Variants in TSGA10 observed in about 807,000 individuals in gnomAD.
TSGA10 encodes the protein testis specific 10, also known as testis-specific gene 10 protein.
Under a neutral mutation model 96.6 loss-of-function variants are expected in TSGA10, and 43 were observed. The observed-to-expected ratio is 0.44, with a 90% CI of 0.35 to 0.57. The LOEUF (loss-of-function observed/expected upper bound fraction) is 0.57, where lower values mean the gene tolerates loss of function less well. Ranked by LOEUF, TSGA10 falls within the 20% of genes least tolerant of loss-of-function variation. TSGA10 has a pLI of 0.01. For missense variants in TSGA10, 703 were observed against 834.4 expected (o/e 0.84, Z 1.94); for synonymous variants, 229 against 269.9 (o/e 0.85, Z 1.48).
chr2:99,115,244 A>C (rs1028622034), intron 4 of TSGA10, among the ~76,000 whole-genome samples: 3 of 152,118 alleles, frequency 2.0e-5, no homozygotes, highest in Non-Finnish European at 4.4e-5. Flanking sequence ...AATTTTGATA[A>C]TTTTTATAAT....
At chr2:99,063,791 C>T (rs556633742) in intron 16 of TSGA10, among the ~76,000 whole-genome samples, 3 of 151,554 alleles carry the variant, frequency 2.0e-5, no homozygotes, top group South Asian at 2.1e-4. Flanking sequence ...GGCGACAGAG[C>T]GAGACTCCAT....
chr2:99,006,125 C>T (rs961288770), intron 20 of TSGA10, among the ~76,000 whole-genome samples: 31 of 152,314 alleles, frequency 2.0e-4, no homozygotes, highest in African/African-American at 6.7e-4. Flanking sequence ...TTCCTTACAC[C>T]TTATACAAAA....
chr2:99,108,470 C>G (rs774559730), intron 7 of TSGA10, among the ~76,000 whole-genome samples: 1 of 151,834 alleles, frequency 6.6e-6, no homozygotes, highest in Non-Finnish European at 1.5e-5. Flanking sequence ...TATAAAAGTT[C>G]CTAAAGTGAT....
intron 20 of TSGA10, among the ~76,000 whole-genome samples, chr2:99,015,625 C>G (rs937002385): frequency 3.3e-5 from 5 of 152,132 alleles, no homozygotes; most frequent in Non-Finnish European, 5.9e-5. Context: ...TTCTATTCAA[C>G]ATAGTATCTG....
chr2:99,067,923 G>C (rs577641389), intron 15 of TSGA10, among the ~76,000 whole-genome samples: 7 of 152,174 alleles, frequency 4.6e-5, no homozygotes, highest in Admixed American at 6.5e-5. Context: ...ATGGCTCACT[G>C]TGCTAGGTGT....
At chr2:99,034,816 C>G (rs946071054) in intron 17 of TSGA10, among the ~76,000 whole-genome samples, 2 of 152,056 alleles carry the variant, frequency 1.3e-5, no homozygotes, top group African/African-American at 2.4e-5. Flanking sequence ...ATATTATACT[C>G]CCTGTGGCAA....
intron 1 of TSGA10, chr2:99,150,622 G>A (rs2093683770): frequency 3.1e-6 from 5 of 1,613,996 alleles, no homozygotes; most frequent in Non-Finnish European, 4.2e-6. Context: ...TTCAAAAGTG[G>A]ATGATCACTT....
intron 10 of TSGA10, among the ~76,000 whole-genome samples, chr2:99,098,493 A>G (rs2090340037): frequency 6.6e-6 from 1 of 151,140 alleles, no homozygotes; most frequent in South Asian, 2.1e-4. Context: ...AAAGGCCTAA[A>G]AAGTAAAAAT....
rs371276260 is a variant in TSGA10, at chr2:99,104,851, TAGAA to T, written c.459+504_459+507del. Among the ~76,000 whole-genome samples the T allele has an allele frequency of 3.7e-3, 566 of 152,360 alleles. 3 individuals are homozygous for T. Among genetic ancestry groups the T allele is most frequent in the African/African-American group, 0.013 (530 of 41,582 alleles). On this transcript the variant is annotated intron_variant, in intron 9 of 20. Coordinates refer to ENST00000393483, the MANE Select transcript of TSGA10 (RefSeq NM_025244.4). ...AAATATATTCAATTATATTTGGTAATAGAAAGTTAAATTCTCTTATGTTTATATA... is the reference window on the plus strand; with the variant it reads ...AAATATATTCAATTATATTTGGTAATAGTTAAATTCTCTTATGTTTATATA...
chr2:99,042,742 G>T (rs1390988626), intron 16 of TSGA10, among the ~76,000 whole-genome samples: 1 of 150,292 alleles, frequency 6.7e-6, no homozygotes, highest in African/African-American at 2.5e-5. Flanking sequence ...CTTGCGTTGT[G>T]GCCCAGGCTG....
intron 12 of TSGA10, among the ~76,000 whole-genome samples, chr2:99,078,436 C>A (rs1016030473): frequency 2.6e-5 from 4 of 151,938 alleles, no homozygotes; most frequent in Non-Finnish European, 5.9e-5. Context: ...ATTACTAATT[C>A]ATGATAGAAA....
intron 11 of TSGA10, among the ~76,000 whole-genome samples, chr2:99,079,099 T>C (rs1221821037): frequency 1.3e-5 from 2 of 152,162 alleles, no homozygotes; most frequent in African/African-American, 4.8e-5. Context: ...TAATGTATGA[T>C]GGGAAAAGAG....
chr2:99,070,888 T>C (rs1051712498), intron 14 of TSGA10, among the ~76,000 whole-genome samples: 2 of 152,186 alleles, frequency 1.3e-5, no homozygotes, highest in Non-Finnish European at 2.9e-5. Flanking sequence ...ATTGACACAT[T>C]ATTATCTGAA....
intron 10 of TSGA10, among the ~76,000 whole-genome samples, chr2:99,090,314 A>T (rs1177046620): frequency 6.6e-6 from 1 of 152,160 alleles, no homozygotes; most frequent in Non-Finnish European, 1.5e-5. Context: ...CCCAAATGAG[A>T]AGGAACAAGA....
chr2:99,080,694 G>C (rs2087352631), intron 11 of TSGA10, among the ~76,000 whole-genome samples: 1 of 152,080 alleles, frequency 6.6e-6, no homozygotes. Flanking sequence ...ATAATAGCAA[G>C]TGTTAACAAT....
intron 16 of TSGA10, among the ~76,000 whole-genome samples, chr2:99,057,283 A>G (rs2084120316): frequency 6.6e-6 from 1 of 152,162 alleles, no homozygotes; most frequent in Non-Finnish European, 1.5e-5. Flanking sequence ...AGTAAAAACT[A>G]TCTCTATTCA....
chr2:99,147,640 G>A (rs1574767299), intron 1 of TSGA10: 1 of 703,196 alleles, frequency 1.4e-6, no homozygotes. Context: ...TTAGAGTTTT[G>A]TGTTTTTTAA....
chr2:99,023,197 G>A (rs1334253766), intron 17 of TSGA10, among the ~76,000 whole-genome samples: 2 of 151,924 alleles, frequency 1.3e-5, no homozygotes. Context: ...ATGGGTTTTT[G>A]CCATGTTGCC....
intron 4 of TSGA10, among the ~76,000 whole-genome samples, chr2:99,115,772 C>T (rs560136205): frequency 1.3e-5 from 2 of 152,054 alleles, no homozygotes; most frequent in African/African-American, 2.4e-5. Flanking sequence ...CCCAGCTACT[C>T]GGGAGACTGA....
Sources: allele counts gnomAD v4.1 joint callset (sites outside exome capture counted in the v4.1 genomes callset), GRCh38; gene constraint gnomAD v4.1.1; transcripts MANE v1.5; gene names NCBI Gene and HGNC (gene_info 2026-07-23, HGNC 2026-07-21).